Variants in SRGAP1 observed in about 807,000 individuals in gnomAD.
SRGAP1 encodes the protein SLIT-ROBO Rho GTPase activating protein 1, also known as SLIT-ROBO Rho GTPase-activating protein 1.
Under a neutral mutation model 121.9 loss-of-function variants are expected in SRGAP1, and 43 were observed. The ratio of observed to expected loss-of-function variants is 0.35; its 90% CI spans 0.28 to 0.46. The LOEUF (loss-of-function observed/expected upper bound fraction) is 0.46, where lower values mean the gene tolerates loss of function less well. Ranked by LOEUF, SRGAP1 falls within the 20% of genes least tolerant of loss-of-function variation. The probability of loss-of-function intolerance (pLI) is 1.00; values close to 1 mark genes in which losing one functional copy is unlikely to be tolerated. For missense variants in SRGAP1, 1,102 were observed against 1,350.9 expected, an observed-to-expected ratio of 0.82 and a Z score of 2.89; for synonymous variants, 447 against 485.4, an observed-to-expected ratio of 0.92 and a Z score of 1.04.
chr12:63,872,697 T>A (rs1016080503), intron 1 of SRGAP1, among the ~76,000 whole-genome samples: 2 of 152,250 alleles, frequency 1.3e-5, no homozygotes, highest in African/African-American at 4.8e-5. Flanking sequence ...GACAGGGATT[T>A]GTTTTTTTAT....
intron 1 of SRGAP1, among the ~76,000 whole-genome samples, chr12:63,849,419 T>A (rs910427822): frequency 2.6e-5 from 4 of 152,246 alleles, no homozygotes; most frequent in Non-Finnish European, 5.9e-5. Flanking sequence ...TGTTTGTTTT[T>A]AATAATGCAT....
At chr12:64,138,366 A>G (rs1247946483) in intron 21 of SRGAP1, among the ~76,000 whole-genome samples, 3 of 150,840 alleles carry the variant, frequency 2.0e-5, no homozygotes, top group Non-Finnish European at 4.4e-5. Context: ...TTGTTTATCC[A>G]TCTGTTGATG....
chr12:63,944,919 C>T (rs574061582), intron 1 of SRGAP1, among the ~76,000 whole-genome samples: 109 of 152,262 alleles, frequency 7.2e-4, no homozygotes, highest in African/African-American at 2.3e-3. Flanking sequence ...CAGCAAGCAC[C>T]GCTTCCTAGG....
chr12:63,895,994 C>G (rs1900742667), intron 1 of SRGAP1, among the ~76,000 whole-genome samples: 1 of 152,156 alleles, frequency 6.6e-6, no homozygotes, highest in Non-Finnish European at 1.5e-5. Context: ...GTCAGATTTT[C>G]TTATAAGACT....
rs187313514 is a variant in SRGAP1, at chr12:64,132,295, G to A, written c.2880+4095G>A. On this transcript the variant is annotated intron_variant, in intron 21 of 21. Transcript: ENST00000355086. Reference sequence around the variant, plus strand: ...AAGGCTCTAAACAGCATCCCTATCTGCCACTGACACCTCAAGCACCATTGG... The same window carrying A: ...AAGGCTCTAAACAGCATCCCTATCTACCACTGACACCTCAAGCACCATTGG... Among the ~76,000 whole-genome samples, 222 of 152,296 alleles carry A rather than the reference G, an allele frequency of 1.5e-3. 1 individual carries two copies. The highest frequency in any genetic ancestry group is 5.0e-3 in the African/African-American group (206 of 41,560).
At chr12:63,852,754 A>G (rs553283441) in intron 1 of SRGAP1, among the ~76,000 whole-genome samples, 5 of 152,142 alleles carry the variant, frequency 3.3e-5, no homozygotes, top group Non-Finnish European at 7.4e-5. Flanking sequence ...CCTTAATCTC[A>G]TAGTCTTGAG....
At chr12:64,027,883 G>A (rs1263034238) in intron 4 of SRGAP1, among the ~76,000 whole-genome samples, 2 of 151,496 alleles carry the variant, frequency 1.3e-5, no homozygotes, top group Non-Finnish European at 2.9e-5. Context: ...TTCCATTTTA[G>A]TTGATGCTGC....
Position 64,042,775 on chromosome 12 carries a change from G to T in SRGAP1, c.490-15G>T. 1 of 1,607,520 alleles carries T rather than the reference G, an allele frequency of 6.2e-7. No individual in the cohort carries two copies. Among genetic ancestry groups the T allele is most frequent in the South Asian group, 1.1e-5 (1 of 90,402 alleles). ...AGACAGACATCTTGTAACAATTTGG[G>T]TCACTTTTCCACAGGTGATGAAAAC... is the stretch of plus-strand genomic sequence containing the variant. On this transcript the variant is annotated splice_polypyrimidine_tract_variant and intron_variant, in intron 4 of 21. Transcript: ENST00000355086.
chr12:63,855,805 CTTT>C (rs1899229735), intron 1 of SRGAP1, among the ~76,000 whole-genome samples: 2 of 151,796 alleles, frequency 1.3e-5, no homozygotes, highest in African/African-American at 4.8e-5. Context: ...TTTTCTCTTC[CTTT>C]TTATTTTTAA....
chr12:63,883,597 C>T (rs1006514953), intron 1 of SRGAP1, among the ~76,000 whole-genome samples: 8 of 152,066 alleles, frequency 5.3e-5, no homozygotes, highest in Non-Finnish European at 8.8e-5. Flanking sequence ...AAGACTTGTT[C>T]ATCAATCCAG....
At chr12:63,971,192 G>T (rs914536723) in intron 1 of SRGAP1, among the ~76,000 whole-genome samples, 20 of 152,144 alleles carry the variant, frequency 1.3e-4, no homozygotes, top group Non-Finnish European at 2.5e-4. Context: ...GGCAGAATTT[G>T]TTGTTCCTGC....
At chr12:64,139,534 GTCT>G (rs1247705769) in intron 21 of SRGAP1, among the ~76,000 whole-genome samples, 1 of 151,972 alleles carries the variant, frequency 6.6e-6, no homozygotes, top group African/African-American at 2.4e-5. Flanking sequence ...CTGCATAAAT[GTCT>G]TCTTTTGAGA....
Position 63,866,723 on chromosome 12 carries a change from CT to C in SRGAP1, c.67+21850del, listed in dbSNP as rs890471020. ...TCGTTTGTAGAATAGTTAATATAGA[CT>C]TTTTTTTTTCTTTTTTTTTTTGCTC... is the stretch of plus-strand genomic sequence containing the variant. On this transcript the variant is annotated intron_variant, in intron 1 of 21. Transcript: ENST00000355086. Among the ~76,000 whole-genome samples the C allele has an allele frequency of 1.9e-3, 278 of 145,508 alleles. 2 individuals carry two copies. Among genetic ancestry groups the C allele is most frequent in the Middle Eastern group, 0.011 (3 of 284 alleles).
intron 10 of SRGAP1, chr12:64,081,511 T>A (rs2136566120): frequency 6.7e-6 from 1 of 150,342 alleles, no homozygotes; most frequent in Non-Finnish European, 1.5e-5. Context: ...AAAAGTGTCA[T>A]TAAAAAATAA....
chr12:63,848,815 C>G (rs966949387), intron 1 of SRGAP1, among the ~76,000 whole-genome samples: 1 of 152,140 alleles, frequency 6.6e-6, no homozygotes, highest in Non-Finnish European at 1.5e-5. Flanking sequence ...CAGTTGGCTG[C>G]TCTGTTTTGT....
chr12:64,000,703 AAG>A (rs2033863461), intron 3 of SRGAP1, among the ~76,000 whole-genome samples: 1 of 152,230 alleles, frequency 6.6e-6, no homozygotes, highest in African/African-American at 2.4e-5. Context: ...TGATTGATCC[AAG>A]ACTCTGCCAA....
At chr12:64,006,515 ATGT>A in intron 3 of SRGAP1, among the ~76,000 whole-genome samples, 1 of 152,186 alleles carries the variant, frequency 6.6e-6, no homozygotes, top group Non-Finnish European at 1.5e-5. Flanking sequence ...AGGAATTGGT[ATGT>A]TGTTATCTAA....
chr12:63,984,522 G>A (rs1254986906), intron 2 of SRGAP1, among the ~76,000 whole-genome samples: 1 of 152,120 alleles, frequency 6.6e-6, no homozygotes, highest in African/African-American at 2.4e-5. Context: ...TTATATGAAA[G>A]TAAGCAGTAA....
At chr12:63,850,596 AT>A (rs34957489) in intron 1 of SRGAP1, among the ~76,000 whole-genome samples, 32,230 of 124,154 alleles carry the variant, frequency 0.26, 3,587 homozygotes, top group East Asian at 0.5. Flanking sequence ...ATACCTGGCT[AT>A]TTTTTTTTTT....
Sources: gnomAD v4.1 joint callset for allele counts (sites outside exome capture counted in the v4.1 genomes callset) on GRCh38, gnomAD v4.1.1 for gene constraint, MANE v1.5 for transcripts, NCBI Gene and HGNC (gene_info 2026-07-23, HGNC 2026-07-21) for gene names.